NRXN3: variants seen among roughly 807,000 people sequenced by gnomAD.
The protein encoded by NRXN3 is neurexin 3.
In NRXN3, 32 loss-of-function variants were observed where a neutral mutation model predicts 137.6. The ratio of observed to expected loss-of-function variants is 0.23; its 90% CI spans 0.18 to 0.31. NRXN3 has a LOEUF of 0.31. Ranked by LOEUF, NRXN3 falls within the 10% of genes least tolerant of loss-of-function variation. The pLI is 1.00. For synonymous variants in NRXN3, 798 were observed against 784.5 expected (o/e 1.02, Z -0.29); for missense variants, 1,574 against 2,062.5 (o/e 0.76, Z 4.59).
chr14:79,697,977 A>G (rs2098741365), intron 19 of NRXN3, 40 bp downstream of exon 19: 1 of 1,546,514 alleles, frequency 6.5e-7, no homozygotes, highest in Non-Finnish European at 8.9e-7. Flanking sequence ...CTGTATTTTT[A>G]TCTTTGCAAC....
At chr14:78,615,068 G>A (rs1274845598) in intron 4 of NRXN3, 1 of 456,524 alleles carries the variant, frequency 2.2e-6, no homozygotes, top group Non-Finnish European at 4.4e-6. Context: ...GGTTAGATTA[G>A]GCTAATTGTC....
rs1348908420 is a variant in NRXN3, at chr14:79,867,982, A to T, written c.*6018A>T. The T allele has an allele frequency of 1.3e-5, 2 of 151,688 alleles. No homozygotes were observed. The highest frequency in any genetic ancestry group is 4.8e-5 in the African/African-American group (2 of 41,278). 9.4% of individuals were successfully genotyped at this position (151,688 alleles called of 1,614,324 possible). ...TGAGTTTTTTTTTTTTAATGATTAC[A>T]TGGGTTCTAGAGTCAAAATGCCATG... On this transcript the variant is annotated 3_prime_UTR_variant, in exon 21 of 21. Coordinates refer to ENST00000335750, the MANE Select transcript of NRXN3 (RefSeq NM_001330195.2).
At chr14:79,106,352 C>G (rs2052437028) in intron 15 of NRXN3, among the ~76,000 whole-genome samples, 1 of 152,018 alleles carries the variant, frequency 6.6e-6, no homozygotes, top group South Asian at 2.1e-4. Context: ...GATAATATTT[C>G]TTTCTTTCAA....
At chr14:79,750,059 T>A (rs2098992415) in intron 19 of NRXN3, among the ~76,000 whole-genome samples, 2 of 152,176 alleles carry the variant, frequency 1.3e-5, no homozygotes, top group African/African-American at 4.8e-5. Context: ...TCATGATTTG[T>A]CCTTAATAGA....
chr14:78,266,865 G>T (rs887323237), intron 2 of NRXN3, among the ~76,000 whole-genome samples: 2 of 152,112 alleles, frequency 1.3e-5, no homozygotes, highest in Non-Finnish European at 2.9e-5. Context: ...CTGAAAAGCT[G>T]CCAAGGGGCT....
rs144035954 is a variant in NRXN3 at position 78,484,027 on chromosome 14, CAGAGAG to C, written c.758-161076_758-161071del. Among the ~76,000 whole-genome samples, 1,255 of 137,108 alleles carry C rather than the reference CAGAGAG, an allele frequency of 9.2e-3. 22 individuals are homozygous for C. Among genetic ancestry groups the C allele is most frequent in the African/African-American group, 0.028 (983 of 34,520 alleles). The allele number at this position is 137,108 out of a possible 152,430, so 89.9% of individuals were successfully genotyped here. A position where few individuals can be genotyped will look rare whatever the true frequency, so the allele number is the denominator to read the frequency against. ...ACACACACACACACACACACACACA[CAGAGAG>C]AGAGAGAGAGAGAGAGCAAAAAAAG... On this transcript the variant is annotated intron_variant, in intron 4 of 20. Coordinates refer to ENST00000335750, the MANE Select transcript of NRXN3 (RefSeq NM_001330195.2).
intron 4 of NRXN3, among the ~76,000 whole-genome samples, chr14:78,574,410 T>C (rs544485191): frequency 4.3e-4 from 65 of 152,302 alleles, no homozygotes; most frequent in Non-Finnish European, 7.9e-4. Flanking sequence ...TGCCAGCCAA[T>C]GAAAGCAGCC....
At chr14:79,479,129 T>C (rs1567234873) in intron 16 of NRXN3, among the ~76,000 whole-genome samples, 2 of 152,310 alleles carry the variant, frequency 1.3e-5, no homozygotes, top group South Asian at 4.1e-4. Context: ...TATGAAATTA[T>C]CTAGCCCTTT....
chr14:79,230,554 T>C (rs2071981895), intron 15 of NRXN3, among the ~76,000 whole-genome samples: 1 of 152,210 alleles, frequency 6.6e-6, no homozygotes, highest in South Asian at 2.1e-4. Context: ...TTGGTCTGGT[T>C]TATAATTTAA....
chr14:78,757,564 A>G (rs10140877), intron 8 of NRXN3, among the ~76,000 whole-genome samples: 26,784 of 152,136 alleles, frequency 0.18, 4,321 homozygotes, highest in African/African-American at 0.43. Context: ...TCCTCAGGAA[A>G]GGCATGGTGT....
At chr14:78,934,000 G>A (rs1285506045) in intron 10 of NRXN3, among the ~76,000 whole-genome samples, 1 of 151,352 alleles carries the variant, frequency 6.6e-6, no homozygotes, top group Admixed American at 6.6e-5. Context: ...ATGAGGAAAT[G>A]CATTTGTTGA....
chr14:79,347,420 G>A (rs1216319308), intron 15 of NRXN3, among the ~76,000 whole-genome samples: 2 of 150,412 alleles, frequency 1.3e-5, no homozygotes, highest in Non-Finnish European at 3.0e-5. Context: ...ATGAGGCAAC[G>A]TTTTCCTTTT....
chr14:78,969,814 AGTGTGTGT>A (rs376306137), intron 14 of NRXN3, among the ~76,000 whole-genome samples: 46 of 141,410 alleles, frequency 3.3e-4, no homozygotes, highest in African/African-American at 9.3e-4. Flanking sequence ...TGTACTATGT[AGTGTGTGT>A]GTGTGTGTGT....
chr14:79,324,889 G>A (rs1272518648), intron 15 of NRXN3, among the ~76,000 whole-genome samples: 1 of 152,084 alleles, frequency 6.6e-6, no homozygotes, highest in African/African-American at 2.4e-5. Flanking sequence ...ATATACATGT[G>A]TGTAATGAAA....
At chr14:78,357,177 G>C (rs1597717962) in intron 4 of NRXN3, among the ~76,000 whole-genome samples, 1 of 152,198 alleles carries the variant, frequency 6.6e-6, no homozygotes, top group Non-Finnish European at 1.5e-5. Flanking sequence ...GTGGTTTCAC[G>C]TGGCTAAGGA....
intron 16 of NRXN3, among the ~76,000 whole-genome samples, chr14:79,503,210 G>A (rs867386467): frequency 3.3e-5 from 5 of 151,510 alleles, no homozygotes; most frequent in African/African-American, 1.2e-4. Context: ...TTTCTGTTTT[G>A]TATATCTTGT....
intron 5 of NRXN3, 52 bp from the exon 6 acceptor site, chr14:78,651,113 G>C (rs545505647): frequency 8.4e-6 from 13 of 1,552,178 alleles, no homozygotes; most frequent in African/African-American, 2.7e-5. Context: ...GGTTATGATA[G>C]GATCGTAAGG....
intron 15 of NRXN3, among the ~76,000 whole-genome samples, chr14:78,995,691 T>C (rs2099528606): frequency 6.6e-6 from 1 of 152,194 alleles, no homozygotes; most frequent in South Asian, 2.1e-4. Flanking sequence ...ATAATTATTA[T>C]AAAGTTAAAA....
intron 4 of NRXN3, among the ~76,000 whole-genome samples, chr14:78,400,078 A>G (rs964861700): frequency 3.9e-5 from 6 of 152,338 alleles, no homozygotes; most frequent in Non-Finnish European, 5.9e-5. Flanking sequence ...ATTTGCAGAG[A>G]AATAACTGTA....
Sources: gnomAD v4.1 joint callset for allele counts (sites outside exome capture counted in the v4.1 genomes callset) on GRCh38, gnomAD v4.1.1 for gene constraint, MANE v1.5 for transcripts, NCBI Gene and HGNC (gene_info 2026-07-23, HGNC 2026-07-21) for gene names.